The following NRG3 variants were observed in gnomAD, a reference collection of about 807,000 sequenced individuals.
NRG3 encodes the protein neuregulin 3, also known as pro-neuregulin-3, membrane-bound isoform.
In NRG3, 31 loss-of-function variants were observed where a neutral mutation model predicts 66.9. The observed-to-expected ratio is 0.46, with a 90% CI of 0.35 to 0.63. The LOEUF is 0.63. Ranked by LOEUF, NRG3 falls within the 20% of genes least tolerant of loss-of-function variation. The probability of loss-of-function intolerance (pLI) is 0.00; values close to 1 mark genes in which losing one functional copy is unlikely to be tolerated. For missense variants in NRG3, 910 were observed against 878.9 expected (o/e 1.04, Z -0.45); for synonymous variants, 393 against 359.4 (o/e 1.09, Z -1.06).
chr10:82,001,245 G>A (rs2061156116), intron 1 of NRG3, among the ~76,000 whole-genome samples: 2 of 151,454 alleles, frequency 1.3e-5, no homozygotes. Flanking sequence ...GCTCACGCCT[G>A]CAATCCCAGC....
At chr10:82,407,380 G>A (rs1289735534) in intron 2 of NRG3, among the ~76,000 whole-genome samples, 1 of 152,078 alleles carries the variant, frequency 6.6e-6, no homozygotes, top group Non-Finnish European at 1.5e-5. Context: ...CTAAATGGAA[G>A]GGCAAAGTGG....
At chr10:82,886,646 G>T (rs939611286) in intron 4 of NRG3, among the ~76,000 whole-genome samples, 1 of 152,094 alleles carries the variant, frequency 6.6e-6, no homozygotes, top group Non-Finnish European at 1.5e-5. Context: ...GTGGCTGAAC[G>T]GACCTTTTGA....
At chr10:82,374,440 G>A (rs551487989) in intron 2 of NRG3, among the ~76,000 whole-genome samples, 1 of 152,248 alleles carries the variant, frequency 6.6e-6, no homozygotes, top group African/African-American at 2.4e-5. Context: ...CAAAGGCCAT[G>A]GTTATAAATA....
intron 1 of NRG3, among the ~76,000 whole-genome samples, chr10:82,115,020 T>C (rs531856624): frequency 6.6e-6 from 1 of 152,296 alleles, no homozygotes; most frequent in Admixed American, 6.5e-5. Context: ...CATTAATCAT[T>C]TGCTGTCCCA....
intron 1 of NRG3, among the ~76,000 whole-genome samples, chr10:82,135,580 A>G (rs2069278348): frequency 6.6e-6 from 1 of 152,028 alleles, no homozygotes; most frequent in African/African-American, 2.4e-5. Context: ...CTTCAGGCTC[A>G]CTAATTCTGT....
intron 1 of NRG3, among the ~76,000 whole-genome samples, chr10:82,313,478 T>C (rs1387789676): frequency 6.6e-6 from 1 of 152,220 alleles, no homozygotes; most frequent in Non-Finnish European, 1.5e-5. Context: ...AGTCCTATGC[T>C]TTAAGGCAGG....
chr10:82,237,556 C>T (rs1355491733), intron 1 of NRG3, among the ~76,000 whole-genome samples: 4 of 150,820 alleles, frequency 2.7e-5, no homozygotes, highest in African/African-American at 9.8e-5. Flanking sequence ...TTCATATATG[C>T]TCAGACCCAG....
intron 3 of NRG3, among the ~76,000 whole-genome samples, chr10:82,834,353 G>A (rs1483842743): frequency 1.3e-5 from 2 of 152,108 alleles, no homozygotes; most frequent in Non-Finnish European, 2.9e-5. Context: ...GACTAATACC[G>A]AGTCCTCTTC....
chr10:82,471,577 A>G (rs1841268063), intron 2 of NRG3, among the ~76,000 whole-genome samples: 2 of 152,198 alleles, frequency 1.3e-5, no homozygotes, highest in East Asian at 3.9e-4. Flanking sequence ...ATTGTAACAT[A>G]ACTTCAGGGA....
chr10:82,153,217 A>G (rs2070914050), intron 1 of NRG3, among the ~76,000 whole-genome samples: 3 of 151,922 alleles, frequency 2.0e-5, no homozygotes, highest in African/African-American at 4.8e-5. Context: ...CATTCTCCCT[A>G]TCAACCTCTG....
chr10:81,956,053 C>G (rs532174526), intron 1 of NRG3, among the ~76,000 whole-genome samples: 3 of 152,278 alleles, frequency 2.0e-5, no homozygotes, highest in Admixed American at 2.0e-4. Context: ...AAGATCTCAT[C>G]CCACGTGCTT....
At chr10:82,455,102 C>T (rs778295031) in intron 2 of NRG3, among the ~76,000 whole-genome samples, 5 of 152,122 alleles carry the variant, frequency 3.3e-5, no homozygotes, top group African/African-American at 7.2e-5. Context: ...GTGGCTCCCT[C>T]GAGTAAGAAA....
At chr10:82,892,748 G>A (rs2136132762) in intron 4 of NRG3, among the ~76,000 whole-genome samples, 1 of 151,402 alleles carries the variant, frequency 6.6e-6, no homozygotes, top group East Asian at 1.9e-4. Flanking sequence ...CATAATCAAT[G>A]GACATATGCA....
At chr10:82,794,074 A>G (rs2060698230) in intron 3 of NRG3, among the ~76,000 whole-genome samples, 2 of 152,068 alleles carry the variant, frequency 1.3e-5, no homozygotes, top group South Asian at 4.1e-4. Context: ...TATTCTGTGT[A>G]CTTGTTTTCT....
At chr10:82,247,000 G>A (rs1251476277) in intron 1 of NRG3, among the ~76,000 whole-genome samples, 1 of 152,200 alleles carries the variant, frequency 6.6e-6, no homozygotes, top group Non-Finnish European at 1.5e-5. Flanking sequence ...GGAAATGTCA[G>A]AAATGATTGT....
At chr10:82,006,608 TG>T (rs2061385553) in intron 1 of NRG3, among the ~76,000 whole-genome samples, 1 of 152,186 alleles carries the variant, frequency 6.6e-6, no homozygotes, top group Non-Finnish European at 1.5e-5. Flanking sequence ...TTACTTTTTT[TG>T]TTTTTGTTTG....
At chr10:82,164,726 A>G (rs1349783071) in intron 1 of NRG3, among the ~76,000 whole-genome samples, 1 of 152,190 alleles carries the variant, frequency 6.6e-6, no homozygotes, top group Non-Finnish European at 1.5e-5. Flanking sequence ...AAGAAAAATG[A>G]TATTTTTGCT....
intron 4 of NRG3, among the ~76,000 whole-genome samples, chr10:82,944,994 C>A (rs1396442248): frequency 1.3e-5 from 2 of 152,076 alleles, no homozygotes; most frequent in African/African-American, 4.8e-5. Flanking sequence ...CTGCAAGTAC[C>A]TTTACTGGTA....
intron 6 of NRG3, among the ~76,000 whole-genome samples, chr10:82,966,976 T>C (rs999215094): frequency 6.6e-6 from 1 of 151,728 alleles, no homozygotes; most frequent in Non-Finnish European, 1.5e-5. Flanking sequence ...TGTTGTACAT[T>C]TTCTGCCTTG....
Sources: gnomAD v4.1 joint callset for allele counts (sites outside exome capture counted in the v4.1 genomes callset) on GRCh38, gnomAD v4.1.1 for gene constraint, MANE v1.5 for transcripts, NCBI Gene and HGNC (gene_info 2026-07-23, HGNC 2026-07-21) for gene names.